The following MAPKAP1 variants were observed in gnomAD, a reference collection of about 807,000 sequenced individuals.
MAPKAP1 encodes the protein target of rapamycin complex 2 subunit MAPKAP1.
Under a neutral mutation model 65.7 loss-of-function variants are expected in MAPKAP1, and 20 were observed. The ratio of observed to expected loss-of-function variants is 0.30; its 90% CI spans 0.21 to 0.44. The LOEUF (loss-of-function observed/expected upper bound fraction) is 0.44, where lower values mean the gene tolerates loss of function less well. MAPKAP1 is among the 20% of genes least tolerant of loss of function. The pLI is 1.00. For missense variants in MAPKAP1, 423 were observed against 648.0 expected (o/e 0.65, Z 3.77); for synonymous variants, 222 against 244.3 (o/e 0.91, Z 0.85).
intron 9 of MAPKAP1, among the ~76,000 whole-genome samples, chr9:125,473,376 C>T (rs1002703866): frequency 2.6e-5 from 4 of 152,148 alleles, no homozygotes; most frequent in African/African-American, 9.7e-5. Flanking sequence ...TCCGTCATGA[C>T]CTTTTCATGC....
chr9:125,480,899 T>A (rs1391501088), intron 9 of MAPKAP1, among the ~76,000 whole-genome samples: 1 of 136,906 alleles, frequency 7.3e-6, no homozygotes, highest in East Asian at 2.1e-4. Flanking sequence ...GTGAACCCGG[T>A]AGGAGGAGGT....
At chr9:125,577,911 A>G (rs1831492516) in intron 5 of MAPKAP1, among the ~76,000 whole-genome samples, 1 of 151,156 alleles carries the variant, frequency 6.6e-6, no homozygotes, top group Non-Finnish European at 1.5e-5. Context: ...CTGCCCGGCC[A>G]CCACCCCGTC....
rs375692156 is a variant in MAPKAP1 at position 125,447,569 on chromosome 9, C to T, written c.1346-2971G>A. 22 of 440,534 alleles carry T rather than the reference C, an allele frequency of 5.0e-5. No homozygotes were observed. The highest frequency in any genetic ancestry group is 4.0e-4 in the African/African-American group (20 of 49,582). The allele number at this position is 440,534 out of a possible 1,614,324, so 27.3% of individuals were successfully genotyped here. A position where few individuals can be genotyped will look rare whatever the true frequency, so the allele number is the denominator to read the frequency against. ...CGGACTCACTCCGCGGGCGTTTCTGCCCCGAGTTCCCCTCGCTAGCAGCCC... is the reference window on the plus strand; with the variant it reads ...CGGACTCACTCCGCGGGCGTTTCTGTCCCGAGTTCCCCTCGCTAGCAGCCC... On this transcript the variant is annotated intron_variant, in intron 10 of 11. Coordinates refer to ENST00000265960, the MANE Select transcript of MAPKAP1 (RefSeq NM_001006617.3). The surrounding 1 kb of genome is among the most constrained non-coding windows in gnomAD (Gnocchi z 4.5).
At chr9:125,629,892 T>C (rs368308790) in intron 4 of MAPKAP1, among the ~76,000 whole-genome samples, 6 of 152,212 alleles carry the variant, frequency 3.9e-5, no homozygotes, top group East Asian at 3.8e-4. Flanking sequence ...TAGATGTCCT[T>C]GGAGTATAAT....
intron 5 of MAPKAP1, among the ~76,000 whole-genome samples, chr9:125,582,773 T>G (rs1287107300): frequency 6.6e-6 from 1 of 152,252 alleles, no homozygotes; most frequent in Non-Finnish European, 1.5e-5. Flanking sequence ...CGTCCAGGGA[T>G]GCAGTTCCTT....
At chr9:125,699,750 A>G (rs940964420) in intron 1 of MAPKAP1, among the ~76,000 whole-genome samples, 4 of 151,500 alleles carry the variant, frequency 2.6e-5, no homozygotes, top group African/African-American at 9.7e-5. Flanking sequence ...CTCCTACCTC[A>G]GCCTGGAACT....
intron 8 of MAPKAP1, among the ~76,000 whole-genome samples, chr9:125,497,121 A>G (rs1044940365): frequency 6.6e-6 from 1 of 152,026 alleles, no homozygotes; most frequent in East Asian, 1.9e-4. Flanking sequence ...CCTCAGGGGG[A>G]AAATTAAGAA....
intron 5 of MAPKAP1, chr9:125,572,807 G>A (rs1186801914): frequency 6.6e-6 from 1 of 152,158 alleles, no homozygotes; most frequent in Non-Finnish European, 1.5e-5. Context: ...TACTCTTGTG[G>A]AATATACTGC....
chr9:125,665,486 CT>C (rs1286744650), intron 3 of MAPKAP1, among the ~76,000 whole-genome samples: 4 of 149,518 alleles, frequency 2.7e-5, no homozygotes, highest in African/African-American at 9.7e-5. Context: ...GAACCACCCC[CT>C]GACCCCAAAA....
chr9:125,526,124 T>A (rs1022862000), intron 7 of MAPKAP1, among the ~76,000 whole-genome samples: 2 of 152,180 alleles, frequency 1.3e-5, no homozygotes, highest in Non-Finnish European at 2.9e-5. Flanking sequence ...AGACCTTATG[T>A]TCTTGGCACA....
intron 4 of MAPKAP1, among the ~76,000 whole-genome samples, chr9:125,628,119 A>G (rs755879714): frequency 2.6e-5 from 4 of 152,200 alleles, no homozygotes; most frequent in African/African-American, 4.8e-5. Flanking sequence ...ATATATAACT[A>G]CAATGGAGTG....
intron 4 of MAPKAP1, among the ~76,000 whole-genome samples, chr9:125,635,894 G>A (rs1489721714): frequency 6.6e-6 from 1 of 152,202 alleles, no homozygotes; most frequent in African/African-American, 2.4e-5. Context: ...GACCCAGAAA[G>A]TAGGGGGTTG....
chr9:125,495,976 T>C (rs1301416066), intron 8 of MAPKAP1, among the ~76,000 whole-genome samples: 1 of 152,228 alleles, frequency 6.6e-6, no homozygotes, highest in African/African-American at 2.4e-5. Context: ...TCAGTAATGG[T>C]GAACGCTTGT....
intron 4 of MAPKAP1, among the ~76,000 whole-genome samples, chr9:125,635,322 A>G (rs1199140426): frequency 1.3e-5 from 2 of 152,214 alleles, no homozygotes; most frequent in East Asian, 1.9e-4. Flanking sequence ...TCCCAATACT[A>G]CAAATTAAAT....
chr9:125,593,239 T>C (rs1005332544), intron 4 of MAPKAP1, among the ~76,000 whole-genome samples: 8 of 151,892 alleles, frequency 5.3e-5, no homozygotes, highest in African/African-American at 1.9e-4. Context: ...AGAAGGAAGA[T>C]GTTGCAGTGA....
At chr9:125,679,282 G>T (rs572570629) in intron 1 of MAPKAP1, among the ~76,000 whole-genome samples, 1 of 152,116 alleles carries the variant, frequency 6.6e-6, no homozygotes, top group Admixed American at 6.5e-5. Context: ...AATTACAGGC[G>T]TGAGCCACCG....
intron 4 of MAPKAP1, among the ~76,000 whole-genome samples, chr9:125,592,262 C>T (rs1436085396): frequency 1.3e-5 from 2 of 152,132 alleles, no homozygotes; most frequent in African/African-American, 4.8e-5. Flanking sequence ...TAGTGAAGGC[C>T]TCTTAGATAT....
intron 4 of MAPKAP1, among the ~76,000 whole-genome samples, chr9:125,654,326 A>G (rs1326058298): frequency 2.6e-5 from 4 of 152,172 alleles, no homozygotes; most frequent in Non-Finnish European, 4.4e-5. Flanking sequence ...GTTCTCAACA[A>G]TGCTTAAGAA....
chr9:125,471,133 C>T (rs183938654), intron 9 of MAPKAP1: 1 of 152,456 alleles, frequency 6.6e-6, no homozygotes, highest in African/African-American at 2.4e-5. Context: ...GCAGGCAGCA[C>T]CGCAGCACCC....
Sources: allele counts gnomAD v4.1 joint callset (sites outside exome capture counted in the v4.1 genomes callset), GRCh38; gene constraint gnomAD v4.1.1; non-coding constraint Gnocchi (gnomAD v3.1); transcripts MANE v1.5; gene names NCBI Gene and HGNC (gene_info 2026-07-23, HGNC 2026-07-21).